The following SOX6 variants were observed in gnomAD, a reference collection of about 807,000 sequenced individuals.
SOX6 encodes the protein transcription factor SOX-6.
In SOX6, 11 loss-of-function variants were observed where a neutral mutation model predicts 97.8. The observed-to-expected ratio is 0.11, with a 90% CI of 0.07 to 0.19. The LOEUF (loss-of-function observed/expected upper bound fraction) is 0.19. Ranked by LOEUF, SOX6 falls within the 10% of genes least tolerant of loss-of-function variation. The pLI is 1.00. For missense variants in SOX6, 810 were observed against 1,039.5 expected, an observed-to-expected ratio of 0.78 and a Z score of 3.04; for synonymous variants, 360 against 371.4, an observed-to-expected ratio of 0.97 and a Z score of 0.35.
intron 4 of SOX6, among the ~76,000 whole-genome samples, chr11:16,517,963 C>T (rs970332758): frequency 5.3e-5 from 8 of 152,170 alleles, no homozygotes; most frequent in Admixed American, 4.6e-4. Context: ...AACTTCTAAA[C>T]AGCCTAATTG....
intron 13 of SOX6, 81 bp from the exon 14 acceptor site, chr11:15,989,311 C>A: frequency 8.5e-7 from 1 of 1,177,210 alleles, no homozygotes; most frequent in Non-Finnish European, 1.2e-6. Flanking sequence ...CCGCCTGGGT[C>A]AGCTGTTTTC....
intron 3 of SOX6, among the ~76,000 whole-genome samples, chr11:16,674,277 C>T (rs1361509818): frequency 6.6e-6 from 1 of 150,604 alleles, no homozygotes; most frequent in African/African-American, 2.4e-5. Flanking sequence ...TCAAATCAGT[C>T]AATAGAATGA....
intron 2 of SOX6, among the ~76,000 whole-genome samples, chr11:16,726,694 G>A (rs1215238781): frequency 6.6e-6 from 1 of 152,092 alleles, no homozygotes; most frequent in African/African-American, 2.4e-5. Flanking sequence ...CAAAAGTAAA[G>A]GTTCTAAATT....
chr11:16,561,448 C>G (rs997709603), intron 4 of SOX6, among the ~76,000 whole-genome samples: 1 of 152,152 alleles, frequency 6.6e-6, no homozygotes, highest in Admixed American at 6.6e-5. Flanking sequence ...TGACTTCATT[C>G]AGTTGCCAAA....
chr11:16,302,049 C>T (rs1043409917), intron 3 of SOX6, among the ~76,000 whole-genome samples: 2 of 152,074 alleles, frequency 1.3e-5, no homozygotes, highest in Admixed American at 6.6e-5. Flanking sequence ...TCAACTATAC[C>T]TCAAACAGCT....
intron 4 of SOX6, among the ~76,000 whole-genome samples, chr11:16,208,751 C>T (rs998600788): frequency 1.3e-5 from 2 of 152,058 alleles, no homozygotes. Context: ...TTTGGAAGTT[C>T]TATATAACTC....
Position 16,645,633 on chromosome 11 carries a change from C to T in SOX6, n.430-33373G>A, listed in dbSNP as rs537218313. Among the ~76,000 whole-genome samples, 5 of 152,262 alleles carry T rather than the reference C, an allele frequency of 3.3e-5. No individual in the cohort carries two copies. In the East Asian group the frequency reaches 5.8e-4, roughly 18 times the overall value. On this transcript the variant is annotated intron_variant and non_coding_transcript_variant, in intron 3 of 5. Coordinates refer to the SOX6 transcript ENST00000524520. Reference sequence around the variant, plus strand: ...CAAAATGGCCACATGAGAACACAGACATACAGAGAGAATGCCATATGGCAA... The same window carrying T: ...CAAAATGGCCACATGAGAACACAGATATACAGAGAGAATGCCATATGGCAA...
chr11:16,620,811 T>C (rs953210022), intron 3 of SOX6, among the ~76,000 whole-genome samples: 1 of 152,120 alleles, frequency 6.6e-6, no homozygotes, highest in East Asian at 1.9e-4. Context: ...CCTAGGAGAA[T>C]AGGTACAGGG....
At chr11:16,260,475 C>G (rs1437696140) in intron 3 of SOX6, among the ~76,000 whole-genome samples, 2 of 152,098 alleles carry the variant, frequency 1.3e-5, no homozygotes, top group African/African-American at 4.8e-5. Context: ...CAGAGATCAA[C>G]ACAACTATTG....
At chr11:16,206,591 A>G (rs10832557) in intron 4 of SOX6, among the ~76,000 whole-genome samples, 80,555 of 151,932 alleles carry the variant, frequency 0.53, 21,653 homozygotes, top group East Asian at 0.75. Context: ...GTGATAGAGT[A>G]TTGTATAGAT....
chr11:16,051,109 G>A lies in SOX6; in HGVS notation c.1252-1171C>T, dbSNP rs551290962. 3.3e-5 allele frequency among the ~76,000 whole-genome samples: 5 copies of A among 151,564 alleles called. No homozygotes were observed. The South Asian group carries it at 6.2e-4, about 19-fold the overall frequency. On this transcript the variant is annotated intron_variant, in intron 10 of 15. Transcript: ENST00000683767. ...CAGTACTAATATCATTGATTAAGGG[G>A]GAACAGAAAGAGAGGCCAGAAAATA...
At chr11:16,254,058 A>G (rs1853604630) in intron 3 of SOX6, among the ~76,000 whole-genome samples, 1 of 152,078 alleles carries the variant, frequency 6.6e-6, no homozygotes, top group South Asian at 2.1e-4. Flanking sequence ...GAAACCATGC[A>G]AACAAGAATA....
At chr11:16,514,007 T>G (rs1860921841) in intron 4 of SOX6, among the ~76,000 whole-genome samples, 1 of 151,952 alleles carries the variant, frequency 6.6e-6, no homozygotes, top group Admixed American at 6.6e-5. Context: ...GCACAGGAGT[T>G]TGAGACCAGC....
rs549828963 is a variant in SOX6 at position 16,599,347 on chromosome 11, G to T, written n.609+12734C>A. Among the ~76,000 whole-genome samples, 7 of 152,218 alleles carry T rather than the reference G, an allele frequency of 4.6e-5. No individual in the cohort carries two copies. In the South Asian group the frequency reaches 1.2e-3, roughly 27 times the overall value. Reference sequence around the variant, plus strand: ...ATTACAGAGCAGCAAATTGAAGTTGGTCACCAAAGATGCAAAAATTTCTAA... The same window carrying T: ...ATTACAGAGCAGCAAATTGAAGTTGTTCACCAAAGATGCAAAAATTTCTAA... On this transcript the variant is annotated intron_variant and non_coding_transcript_variant, in intron 4 of 5. Transcript: ENST00000524520.
intron 1 of SOX6, among the ~76,000 whole-genome samples, chr11:16,365,135 C>T (rs1857320631): frequency 6.6e-6 from 1 of 151,938 alleles, no homozygotes; most frequent in Non-Finnish European, 1.5e-5. Flanking sequence ...TTGTTCATCT[C>T]TTACTGTACC....
intron 3 of SOX6, among the ~76,000 whole-genome samples, chr11:16,635,424 T>C (rs1288034041): frequency 6.6e-6 from 1 of 152,158 alleles, no homozygotes; most frequent in East Asian, 1.9e-4. Context: ...GCCCCTGCCA[T>C]AGAGATCTGT....
rs149210776 is a variant in SOX6, at chr11:16,492,482, C to G, written n.610-16094G>C. Among the ~76,000 whole-genome samples the G allele has an allele frequency of 5.6e-4, 85 of 152,320 alleles. 1 individual carries two copies. Among genetic ancestry groups the G allele is most frequent in the African/African-American group, 1.9e-3 (79 of 41,578 alleles). On this transcript the variant is annotated intron_variant and non_coding_transcript_variant, in intron 4 of 5. Transcript: ENST00000524520. ...GGGGAGTAAACACCACTAGAAGAAA[C>G]TCTTAATCAGCATTGAGTAAGTGCT... is the stretch of plus-strand genomic sequence containing the variant.
At chr11:16,317,060 T>C (rs961183540) in intron 3 of SOX6, 1 of 151,754 alleles carries the variant, frequency 6.6e-6, no homozygotes, top group African/African-American at 2.4e-5. Flanking sequence ...AACCTGATAT[T>C]GAAGGAGAAA....
At chr11:16,089,573 T>C (rs1467312316) in intron 9 of SOX6, among the ~76,000 whole-genome samples, 1 of 152,098 alleles carries the variant, frequency 6.6e-6, no homozygotes, top group African/African-American at 2.4e-5. Flanking sequence ...GCAAGATGTT[T>C]TCAAATCAGT....
Sources: gnomAD v4.1 joint callset for allele counts (sites outside exome capture counted in the v4.1 genomes callset) on GRCh38, gnomAD v4.1.1 for gene constraint, MANE v1.5 for transcripts, NCBI Gene and HGNC (gene_info 2026-07-23, HGNC 2026-07-21) for gene names.